Variants in NID1 observed in about 807,000 individuals in gnomAD.
NID1 encodes nidogen-1.
Under a neutral mutation model 130.6 loss-of-function variants are expected in NID1, and 76 were observed. The observed-to-expected ratio is 0.58, with a 90% CI of 0.48 to 0.70. The LOEUF (loss-of-function observed/expected upper bound fraction) is 0.70. Among genes scored for constraint, NID1 ranks in the 30% least tolerant of loss-of-function variants. The probability of loss-of-function intolerance (pLI) is 0.00; values close to 1 mark genes in which losing one functional copy is unlikely to be tolerated. For missense variants in NID1, 1,517 were observed against 1,664.8 expected (o/e 0.91, Z 1.54); for synonymous variants, 665 against 675.1 (o/e 0.98, Z 0.23).
chr1:236,024,429 C>A (rs569121579), intron 8 of NID1, among the ~76,000 whole-genome samples: 4 of 152,224 alleles, frequency 2.6e-5, no homozygotes, highest in Non-Finnish European at 5.9e-5. Flanking sequence ...CAACCAGCAA[C>A]GTCCATTTAT....
chr1:235,980,007 A>G, intron 17 of NID1, 62 bp from the exon 18 acceptor site: 2 of 1,588,050 alleles, frequency 1.3e-6, no homozygotes, highest in Non-Finnish European at 1.7e-6. Context: ...TTGTGCAAAA[A>G]AAACAAGAGT....
intron 9 of NID1, among the ~76,000 whole-genome samples, chr1:236,018,061 G>C (rs1319513171): frequency 2.0e-5 from 3 of 152,152 alleles, no homozygotes; most frequent in African/African-American, 7.2e-5. Context: ...ATATTATCTA[G>C]GGCTTAATGG....
chr1:235,991,683 A>C (rs1412051189), intron 13 of NID1, among the ~76,000 whole-genome samples: 1 of 151,786 alleles, frequency 6.6e-6, no homozygotes, highest in Non-Finnish European at 1.5e-5. Context: ...TGCTTTAGGC[A>C]CTGGTGCTAG....
chr1:236,034,973 C>CTTTTTTTTTTTTT (rs11371749), intron 5 of NID1, among the ~76,000 whole-genome samples: 1 of 131,688 alleles, frequency 7.6e-6, no homozygotes, highest in African/African-American at 2.9e-5. Flanking sequence ...GCAGAGTTTT[C>CTTTTTTTTTTTTT]TTTTTTTTTT....
intron 9 of NID1, among the ~76,000 whole-genome samples, chr1:236,021,978 C>T (rs1394407509): frequency 2.6e-5 from 4 of 152,144 alleles, no homozygotes; most frequent in East Asian, 1.9e-4. Flanking sequence ...ATATTTGTCA[C>T]GGCTCACTTT....
intron 1 of NID1, chr1:236,060,920 T>C (rs1458602360): frequency 6.6e-6 from 1 of 152,124 alleles, no homozygotes; most frequent in Non-Finnish European, 1.5e-5. Flanking sequence ...AACCTGAATA[T>C]AGATATCAGA....
intron 13 of NID1, among the ~76,000 whole-genome samples, chr1:235,992,310 C>CTG (rs1558423873): frequency 6.6e-6 from 1 of 152,190 alleles, no homozygotes; most frequent in Admixed American, 6.5e-5. Context: ...GAAATCCATC[C>CTG]GTTTCTCACC....
At chr1:236,022,649 A>G (rs1658800195) in intron 9 of NID1, among the ~76,000 whole-genome samples, 2 of 151,690 alleles carry the variant, frequency 1.3e-5, no homozygotes, top group South Asian at 4.2e-4. Context: ...CCTATTTTAA[A>G]AAACACAGAA....
At chr1:236,046,102 A>G (rs1341540883) in intron 2 of NID1, among the ~76,000 whole-genome samples, 1 of 152,210 alleles carries the variant, frequency 6.6e-6, no homozygotes, top group African/African-American at 2.4e-5. Context: ...ACAGTAGAAA[A>G]AACAAAACAA....
intron 10 of NID1, 90 bp from the exon 11 acceptor site, chr1:236,013,650 G>T: frequency 6.7e-7 from 1 of 1,488,134 alleles, no homozygotes; most frequent in Non-Finnish European, 9.2e-7. Flanking sequence ...GAGAGACCAT[G>T]CCTGGACCCT....
At chr1:235,991,195 G>T in intron 13 of NID1, 137 bp from the exon 14 acceptor site, 1 of 677,148 alleles carries the variant, frequency 1.5e-6, no homozygotes, top group Non-Finnish European at 2.3e-6. Context: ...CACCTTCATG[G>T]CACCACAAAC....
chr1:236,003,901 C>T (rs144709165), intron 12 of NID1, among the ~76,000 whole-genome samples: 1 of 151,904 alleles, frequency 6.6e-6, no homozygotes, highest in African/African-American at 2.4e-5. Flanking sequence ...AGCGTGGTGG[C>T]ACACACCTGT....
intron 1 of NID1, among the ~76,000 whole-genome samples, chr1:236,063,153 CA>C (rs57769010): frequency 2.7e-3 from 216 of 79,674 alleles, no homozygotes; most frequent in Middle Eastern, 9.4e-3. Flanking sequence ...GACTTCATCT[CA>C]AAAAAAAAAA....
intron 2 of NID1, 78 bp downstream of exon 2, chr1:236,048,612 G>A: frequency 1.4e-6 from 2 of 1,464,180 alleles, no homozygotes; most frequent in Non-Finnish European, 9.2e-7. Context: ...TTATGTCAAA[G>A]CAGCACAAGG....
At chr1:236,036,318 T>C (rs757707040) in intron 5 of NID1, among the ~76,000 whole-genome samples, 36 of 152,220 alleles carry the variant, frequency 2.4e-4, no homozygotes, top group Non-Finnish European at 4.0e-4. Context: ...TTGTCTTCCA[T>C]TGCTGAAGGT....
chr1:236,031,848 G>C (rs763868144), intron 6 of NID1, among the ~76,000 whole-genome samples: 119 of 152,280 alleles, frequency 7.8e-4, no homozygotes, highest in Non-Finnish European at 7.8e-4. Flanking sequence ...TTCCTCAATA[G>C]GGCACAGTCT....
intron 12 of NID1, among the ~76,000 whole-genome samples, chr1:235,999,691 C>T (rs140317804): frequency 2.0e-5 from 3 of 152,082 alleles, no homozygotes; most frequent in African/African-American, 7.2e-5. Flanking sequence ...TGAGGAGTGG[C>T]AGGAAGTCTG....
chr1:236,041,181 C>T lies in NID1; in HGVS notation c.1135+729G>A, dbSNP rs553039397. On this transcript the variant is annotated intron_variant, in intron 4 of 19. Coordinates refer to ENST00000264187, the MANE Select transcript of NID1 (RefSeq NM_002508.3). ...CTCCCAGGTTCAAGCAATCCTCCTG[C>T]CTCAGCCTCCCAAGTAGCTAGGACT... 1.6e-4 allele frequency among the ~76,000 whole-genome samples: 25 copies of T among 152,264 alleles called. No individual in the cohort carries two copies. The East Asian group carries it at 4.8e-3, about 29-fold the overall frequency.
At chr1:235,980,087 T>C in intron 17 of NID1, 142 bp from the exon 18 acceptor site, 1 of 1,014,826 alleles carries the variant, frequency 9.9e-7, no homozygotes, top group Non-Finnish European at 1.5e-6. Context: ...AGGCTTGCTC[T>C]TAAAAACTGG....
Sources: allele counts gnomAD v4.1 joint callset (sites outside exome capture counted in the v4.1 genomes callset), GRCh38; gene constraint gnomAD v4.1.1; transcripts MANE v1.5; gene names NCBI Gene and HGNC (gene_info 2026-07-23, HGNC 2026-07-21).